The following NUP210L variants were observed in gnomAD, a reference collection of about 807,000 sequenced individuals.
NUP210L encodes nucleoporin 210 like, also known as nuclear pore membrane glycoprotein 210-like.
Under a neutral mutation model 208.5 loss-of-function variants are expected in NUP210L, and 74 were observed. The ratio of observed to expected loss-of-function variants is 0.35; its 90% CI spans 0.29 to 0.43. The LOEUF is 0.43. NUP210L is among the 20% of genes least tolerant of loss of function. The pLI, the probability that NUP210L is intolerant of heterozygous loss-of-function variation, is 1.00. For missense variants in NUP210L, 1,843 were observed against 2,289.4 expected (o/e 0.81, Z 3.98); for synonymous variants, 780 against 816.9 (o/e 0.95, Z 0.77).
At chr1:154,149,949 G>A (rs546295620) in intron 2 of NUP210L, among the ~76,000 whole-genome samples, 27 of 152,110 alleles carry the variant, frequency 1.8e-4, no homozygotes, top group African/African-American at 5.3e-4. Context: ...GCTCTCAGCC[G>A]GGTGTGGTTG....
intron 32 of NUP210L, among the ~76,000 whole-genome samples, chr1:154,021,148 G>C (rs1455048406): frequency 6.6e-6 from 1 of 151,878 alleles, no homozygotes; most frequent in African/African-American, 2.4e-5. Context: ...CACCATGTTG[G>C]CCAGGATGGT....
rs569451286 is a variant in NUP210L, at chr1:154,109,241, C to T, written c.1621-5031G>A. Among the ~76,000 whole-genome samples, 8 of 151,546 alleles carry T rather than the reference C, an allele frequency of 5.3e-5. No homozygotes were observed. In the East Asian group the frequency reaches 1.5e-3, roughly 29 times the overall value. On this transcript the variant is annotated intron_variant, in intron 12 of 39. Transcript: ENST00000368559. ...GGAAACCAAAAAAGAGCAAGAATAG[C>T]TATGCTTATATCAGACAAAATAGAT... is the stretch of plus-strand genomic sequence containing the variant.
chr1:154,140,997 GAA>G (rs57099838), intron 4 of NUP210L, among the ~76,000 whole-genome samples: 4 of 63,062 alleles, frequency 6.3e-5, no homozygotes, highest in Admixed American at 1.8e-4. Flanking sequence ...CCATCTCGAA[GAA>G]AAAAAAAAAA....
rs565325754 is a variant in NUP210L at position 153,993,027 on chromosome 1, T to G, written c.5554A>C (p.Thr1852Pro). 8.1e-6 allele frequency: 13 copies of G among 1,613,680 alleles called. No homozygotes were observed. Among genetic ancestry groups the G allele is most frequent in the African/African-American group, 4.0e-5 (3 of 74,904 alleles). Reference sequence around the variant, plus strand: ...GAGGCTTTTTTACCTGGCTGTGGTGTTCCTAGAGTTGGTACATACACAACT... The same window carrying G: ...GAGGCTTTTTTACCTGGCTGTGGTGGTCCTAGAGTTGGTACATACACAACT... Residue 1852 changes from threonine (T) to proline (P), a missense_variant, in exon 39 of 40, where the codon ACA (threonine) becomes CCA (proline). By Grantham distance (38) the Thr-to-Pro change is conservative. This residue lies in a region of NUP210L where 108 missense variants were observed against 91.1 expected (regional missense o/e 1.18). Coordinates refer to ENST00000368559, the Ensembl canonical transcript of NUP210L.
chr1:154,098,611 G>T (rs982022400), intron 14 of NUP210L, among the ~76,000 whole-genome samples: 4 of 152,136 alleles, frequency 2.6e-5, no homozygotes, highest in African/African-American at 9.7e-5. Context: ...CTCTGCAGCT[G>T]GTTGCCCAAT....
intron 28 of NUP210L, among the ~76,000 whole-genome samples, chr1:154,028,168 T>C (rs1041641655): frequency 4.6e-5 from 7 of 152,348 alleles, no homozygotes; most frequent in African/African-American, 1.2e-4. Flanking sequence ...AATTTGTTTT[T>C]TGAATTCTAA....
intron 27 of NUP210L, among the ~76,000 whole-genome samples, chr1:154,036,489 T>G (rs1652559073): frequency 6.7e-6 from 1 of 150,304 alleles, no homozygotes; most frequent in Non-Finnish European, 1.5e-5. Flanking sequence ...CTCAGCCTCC[T>G]GAGTAGCTGG....
At chr1:154,049,391 A>G (rs2147976798) in intron 25 of NUP210L, among the ~76,000 whole-genome samples, 1 of 152,280 alleles carries the variant, frequency 6.6e-6, no homozygotes, top group East Asian at 1.9e-4. Flanking sequence ...TGGGACTAGA[A>G]AAATACTTGC....
chr1:154,036,991 G>A (rs1483817366), intron 27 of NUP210L, among the ~76,000 whole-genome samples: 1 of 151,986 alleles, frequency 6.6e-6, no homozygotes, highest in African/African-American at 2.4e-5. Context: ...TCAAACTACT[G>A]AGCTCAAACA....
At chr1:154,109,545 T>A (rs1656938814) in intron 12 of NUP210L, among the ~76,000 whole-genome samples, 1 of 2,450 alleles carries the variant, frequency 4.1e-4, no homozygotes, top group Non-Finnish European at 0.026. Context: ...CAAAAGGATC[T>A]AATAGAATTT....
chr1:153,995,551 G>A (rs564671489), intron 37 of NUP210L: 1 of 671,164 alleles, frequency 1.5e-6, no homozygotes, highest in African/African-American at 1.8e-5. Context: ...GATTTCAAAG[G>A]ATGCTTTAAA....
At position 154,025,767 on chromosome 1, in the gene NUP210L, G is replaced by A. The variant is rs555569449; in HGVS notation, c.3948-51C>T. The A allele has an allele frequency of 3.3e-6, 5 of 1,507,234 alleles. No individual in the cohort carries two copies. In the South Asian group the frequency reaches 6.2e-5, roughly 19 times the overall value. The allele number at this position is 1,507,234 out of a possible 1,614,324, so 93.4% of individuals were successfully genotyped here. A position where few individuals can be genotyped will look rare whatever the true frequency, so the allele number is the denominator to read the frequency against. ...ATCTTTTTGGGGTCCTGTCTGACCAGAGAGAAAAGAGTAAAAATTTCCAGG... is the reference window on the plus strand; with the variant it reads ...ATCTTTTTGGGGTCCTGTCTGACCAAAGAGAAAAGAGTAAAAATTTCCAGG... On this transcript the variant is annotated intron_variant, in intron 29 of 39. Coordinates refer to ENST00000368559, the Ensembl canonical transcript of NUP210L.
chr1:154,134,060 G>A (rs1251733564), intron 7 of NUP210L, among the ~76,000 whole-genome samples: 1 of 149,954 alleles, frequency 6.7e-6, no homozygotes, highest in South Asian at 2.1e-4. Flanking sequence ...CGAGGCAGGA[G>A]AATAACTCGA....
At chr1:154,133,676 T>TA (rs978199748) in intron 7 of NUP210L, among the ~76,000 whole-genome samples, 1 of 150,988 alleles carries the variant, frequency 6.6e-6, no homozygotes, top group East Asian at 2.0e-4. Flanking sequence ...CTTGTGTCTA[T>TA]AAAAAAATAC....
At position 154,083,300 on chromosome 1, in the gene NUP210L, G is replaced by GCGCT. The variant is rs577997653; in HGVS notation, c.2361+6117_2361+6120dup. On this transcript the variant is annotated intron_variant, in intron 16 of 39. Coordinates refer to ENST00000368559, the Ensembl canonical transcript of NUP210L. ...TTACAAACCTTTAGCTAGACACAAA[G>GCGCT]CGCTGATTGGTGTGTTTTTACAGAG... Among the ~76,000 whole-genome samples the GCGCT allele has an allele frequency of 9.2e-5, 14 of 152,216 alleles. No individual in the cohort carries two copies. The South Asian group carries it at 2.9e-3, about 32-fold the overall frequency.
At chr1:154,150,466 G>A (rs554715700) in intron 2 of NUP210L, among the ~76,000 whole-genome samples, 64 of 152,138 alleles carry the variant, frequency 4.2e-4, no homozygotes, top group Admixed American at 2.2e-3. Flanking sequence ...AGTGGCTCAC[G>A]CCTGTAATCC....
exon 36 of NUP210L, chr1:154,001,862 A>T: frequency 6.2e-7 from 1 of 1,614,188 alleles, no homozygotes; most frequent in Non-Finnish European, 8.5e-7. Context: ...GATTCGTTGC[A>T]TTCCATTCTT....
intron 38 of NUP210L, among the ~76,000 whole-genome samples, chr1:153,993,372 C>G (rs1649595792): frequency 6.6e-6 from 1 of 151,206 alleles, no homozygotes; most frequent in African/African-American, 2.4e-5. Context: ...TGAGACCATC[C>G]TGGCTAACAC....
At chr1:154,087,174 G>A (rs1655669824) in intron 16 of NUP210L, among the ~76,000 whole-genome samples, 1 of 152,042 alleles carries the variant, frequency 6.6e-6, no homozygotes, top group African/African-American at 2.4e-5. Flanking sequence ...ACAAAAATTA[G>A]CTGGGCATGG....
Sources: gnomAD v4.1 joint callset for allele counts (sites outside exome capture counted in the v4.1 genomes callset) on GRCh38, gnomAD v4.1.1 for gene constraint, gnomAD v4.1.1 regional missense constraint, MANE v1.5 for transcripts, NCBI Gene and HGNC (gene_info 2026-07-23, HGNC 2026-07-21) for gene names.